The following CATSPERE variants were observed in gnomAD, a reference collection of about 807,000 sequenced individuals.
CATSPERE encodes cation channel sperm-associated auxiliary subunit epsilon.
In CATSPERE, 93 loss-of-function variants were observed where a neutral mutation model predicts 114.1. That is an observed-to-expected ratio of 0.81 (90% CI 0.69 to 0.97). The LOEUF (loss-of-function observed/expected upper bound fraction) is 0.97. Among genes scored for constraint, CATSPERE ranks in the 50% least tolerant of loss-of-function variants. The probability of loss-of-function intolerance (pLI) is 0.00; values close to 1 mark genes in which losing one functional copy is unlikely to be tolerated. For synonymous variants in CATSPERE, 341 were observed against 384.1 expected (o/e 0.89, Z 1.31); for missense variants, 1,058 against 1,131.6 (o/e 0.93, Z 0.93).
At chr1:244,590,397 C>T (rs1432471630) in intron 14 of CATSPERE, among the ~76,000 whole-genome samples, 6 of 152,064 alleles carry the variant, frequency 3.9e-5, no homozygotes, top group Admixed American at 2.6e-4. Context: ...TTTGTGTGTG[C>T]ATGTGTGTTT....
chr1:244,583,783 C>A, intron 12 of CATSPERE, 81 bp from the exon 13 acceptor site: 1 of 1,319,264 alleles, frequency 7.6e-7, no homozygotes, highest in Non-Finnish European at 1.1e-6. Flanking sequence ...GCACATGGGA[C>A]TTTGCACTTG....
chr1:244,564,912 G>A (rs1384408727), intron 10 of CATSPERE, among the ~76,000 whole-genome samples: 1 of 152,062 alleles, frequency 6.6e-6, no homozygotes, highest in Non-Finnish European at 1.5e-5. Flanking sequence ...ATTATTTTGA[G>A]ACACATTGCA....
chr1:244,468,217 C>T (rs778910398), intron 2 of CATSPERE, among the ~76,000 whole-genome samples: 6 of 151,994 alleles, frequency 3.9e-5, no homozygotes, highest in Admixed American at 1.3e-4. Flanking sequence ...CTCAGCCTCC[C>T]GAGAAGCTGG....
At chr1:244,473,686 A>C (rs1668832937) in intron 2 of CATSPERE, among the ~76,000 whole-genome samples, 1 of 152,048 alleles carries the variant, frequency 6.6e-6, no homozygotes, top group African/African-American at 2.4e-5. Context: ...GCAAACCCAA[A>C]GTCACCGAGG....
intron 2 of CATSPERE, among the ~76,000 whole-genome samples, chr1:244,474,735 T>C (rs1424477519): frequency 1.4e-5 from 2 of 147,216 alleles, no homozygotes; most frequent in Non-Finnish European, 3.0e-5. Context: ...TTTTTTCTTC[T>C]TCTTTTTTTT....
At chr1:244,628,125 T>G (rs1673443841) in intron 20 of CATSPERE, among the ~76,000 whole-genome samples, 2 of 152,270 alleles carry the variant, frequency 1.3e-5, no homozygotes, top group East Asian at 3.8e-4. Context: ...ATAATTGTTC[T>G]ATTTTATTAC....
chr1:244,505,888 C>G (rs970208444), intron 7 of CATSPERE, among the ~76,000 whole-genome samples: 2 of 152,104 alleles, frequency 1.3e-5, no homozygotes, highest in South Asian at 4.1e-4. Flanking sequence ...CACCTGTAGT[C>G]CCAGCTACTC....
At chr1:244,535,949 T>C (rs1680320164) in intron 8 of CATSPERE, among the ~76,000 whole-genome samples, 1 of 151,868 alleles carries the variant, frequency 6.6e-6, no homozygotes, top group South Asian at 2.1e-4. Flanking sequence ...CTACCTCTGC[T>C]GTTTATTCAG....
Position 244,560,748 on chromosome 1 carries a change from A to G in CATSPERE, c.1110A>G (p.Arg370=). Residue 370 remains arginine, a synonymous_variant, in exon 10 of 22, where the codon AGA becomes AGG. Transcript: ENST00000366534. Reference sequence around the variant, plus strand: ...GATCCATTCTTCTTAAGTTTGCCAGATTAGTAACTACCACAGAACTGAAAA... The same window carrying G: ...GATCCATTCTTCTTAAGTTTGCCAGGTTAGTAACTACCACAGAACTGAAAA... ...YLGSILLKFA[R]LVTTTELKNI... is the part of the protein sequence containing the mutation. 9 of 1,614,054 alleles carry G rather than the reference A, an allele frequency of 5.6e-6. No individual in the cohort carries two copies. The highest frequency in any genetic ancestry group is 7.6e-6 in the Non-Finnish European group (9 of 1,179,992).
chr1:244,589,104 C>A (rs1363934824), intron 14 of CATSPERE, among the ~76,000 whole-genome samples: 1 of 152,166 alleles, frequency 6.6e-6, no homozygotes, highest in African/African-American at 2.4e-5. Flanking sequence ...CTTCCATTCA[C>A]CATACCTCTC....
chr1:244,504,523 G>A lies in CATSPERE; in HGVS notation c.429+5444G>A, dbSNP rs1455622653. 6.6e-6 allele frequency among the ~76,000 whole-genome samples: 1 copy of A among 152,130 alleles called. No homozygotes were observed. The highest frequency in any genetic ancestry group is 2.4e-5 in the African/African-American group (1 of 41,420). ...CATTTTGTATTCCAGAATCCCACCA[G>A]GAATAGCAAATTATATTTAGTTGTC... On this transcript the variant is annotated intron_variant, in intron 7 of 21. Coordinates refer to ENST00000366534, the MANE Select transcript of CATSPERE (RefSeq NM_001130957.2). The surrounding 1 kb of genome is among the most constrained non-coding windows in gnomAD (Gnocchi z 4.1).
intron 6 of CATSPERE, among the ~76,000 whole-genome samples, chr1:244,492,623 G>A (rs999703441): frequency 2.0e-5 from 3 of 152,072 alleles, no homozygotes; most frequent in Admixed American, 6.6e-5. Flanking sequence ...GGAAACAAAG[G>A]GTATTAAATT....
In CATSPERE at chr1:244,605,683, T is replaced by A. The variant is rs1256243350; in HGVS notation, c.2304-12T>A. On this transcript the variant is annotated splice_polypyrimidine_tract_variant and intron_variant, in intron 17 of 21. Coordinates refer to ENST00000366534, the MANE Select transcript of CATSPERE (RefSeq NM_001130957.2). ...ATTAAACTAGTATCTTTCTGTTTGT[T>A]GTTTCTTTCAGATTTGATGATAATG... is the stretch of plus-strand genomic sequence containing the variant. 2 of 1,568,996 alleles carry A rather than the reference T, an allele frequency of 1.3e-6. No homozygotes were observed. Among genetic ancestry groups the A allele is most frequent in the Non-Finnish European group, 1.8e-6 (2 of 1,140,438 alleles).
At chr1:244,486,753 C>T (rs540180172) in intron 5 of CATSPERE, among the ~76,000 whole-genome samples, 1 of 117,262 alleles carries the variant, frequency 8.5e-6, no homozygotes, top group Non-Finnish European at 1.8e-5. Flanking sequence ...TGTAGACTCT[C>T]GTAGTCACCT....
chr1:244,588,410 G>T, intron 13 of CATSPERE, 72 bp from the exon 14 acceptor site: 1 of 1,128,944 alleles, frequency 8.9e-7, no homozygotes. Flanking sequence ...AATGCAATTG[G>T]TTTTAGCTGT....
intron 11 of CATSPERE, among the ~76,000 whole-genome samples, chr1:244,580,062 G>T (rs1665932035): frequency 2.0e-5 from 3 of 151,830 alleles, no homozygotes; most frequent in African/African-American, 4.8e-5. Flanking sequence ...TTTGAGACAG[G>T]GTCTCACTCT....
chr1:244,578,116 T>C (rs1194879765), intron 11 of CATSPERE, among the ~76,000 whole-genome samples: 4 of 152,210 alleles, frequency 2.6e-5, no homozygotes, highest in Non-Finnish European at 5.9e-5. Context: ...CCCTGCCCAG[T>C]TGAAAATCTG....
intron 8 of CATSPERE, among the ~76,000 whole-genome samples, chr1:244,550,396 A>C (rs183136648): frequency 6.6e-6 from 1 of 152,364 alleles, no homozygotes; most frequent in East Asian, 1.9e-4. Flanking sequence ...AAAAGCGTAT[A>C]GTCACAGTTT....
intron 8 of CATSPERE, among the ~76,000 whole-genome samples, chr1:244,520,684 C>T (rs748171751): frequency 6.6e-6 from 1 of 152,068 alleles, no homozygotes; most frequent in Non-Finnish European, 1.5e-5. Flanking sequence ...GACCCAGGAC[C>T]CCTGCCAAGG....
Sources: gnomAD v4.1 joint callset for allele counts (sites outside exome capture counted in the v4.1 genomes callset) on GRCh38, gnomAD v4.1.1 for gene constraint, Gnocchi (gnomAD v3.1) non-coding constraint, MANE v1.5 for transcripts, NCBI Gene and HGNC (gene_info 2026-07-23, HGNC 2026-07-21) for gene names.